DOCK2: variants seen among roughly 807,000 people sequenced by gnomAD.
The protein encoded by DOCK2 is dedicator of cytokinesis protein 2.
Under a neutral mutation model 248.9 loss-of-function variants are expected in DOCK2, and 87 were observed. That is an observed-to-expected ratio of 0.35 (90% confidence interval 0.29 to 0.42). The LOEUF (loss-of-function observed/expected upper bound fraction) is 0.42. Ranked by LOEUF, DOCK2 falls within the 10% of genes least tolerant of loss-of-function variation. The probability of loss-of-function intolerance (pLI) is 1.00; values close to 1 mark genes in which losing one functional copy is unlikely to be tolerated. For synonymous variants in DOCK2, 805 were observed against 821.6 expected (o/e 0.98, Z 0.35); for missense variants, 1,747 against 2,300.2 (o/e 0.76, Z 4.92).
chr5:169,969,212 A>C (rs767232361), intron 27 of DOCK2, among the ~76,000 whole-genome samples: 2 of 152,110 alleles, frequency 1.3e-5, no homozygotes, highest in Non-Finnish European at 2.9e-5. Context: ...TGGGAGGCTG[A>C]GGCAGATAGA....
chr5:169,816,597 C>T (rs1768082341), intron 26 of DOCK2, among the ~76,000 whole-genome samples: 1 of 152,212 alleles, frequency 6.6e-6, no homozygotes, highest in Non-Finnish European at 1.5e-5. Flanking sequence ...CTCACTCTCC[C>T]ACCAAACCTT....
intron 41 of DOCK2, among the ~76,000 whole-genome samples, chr5:170,054,572 G>A (rs1438610138): frequency 6.6e-6 from 1 of 152,194 alleles, no homozygotes; most frequent in Non-Finnish European, 1.5e-5. Context: ...TTACCATCCT[G>A]CCATAGGCAG....
intron 27 of DOCK2, among the ~76,000 whole-genome samples, chr5:169,902,784 A>G (rs1396648714): frequency 6.6e-6 from 1 of 152,192 alleles, no homozygotes; most frequent in East Asian, 1.9e-4. Context: ...CAGAGCCCAC[A>G]GAGTAGTGAG....
chr5:169,637,759 A>C (rs1756909368), intron 1 of DOCK2, among the ~76,000 whole-genome samples: 1 of 152,110 alleles, frequency 6.6e-6, no homozygotes, highest in Non-Finnish European at 1.5e-5. Context: ...TGGCCTGCCC[A>C]CCATGCATAC....
At chr5:169,680,235 G>A (rs1396737490) in intron 6 of DOCK2, among the ~76,000 whole-genome samples, 2 of 152,136 alleles carry the variant, frequency 1.3e-5, no homozygotes, top group Non-Finnish European at 2.9e-5. Context: ...TGTAAAATGG[G>A]GTTATTGATA....
chr5:169,871,490 A>T (rs990640347), intron 27 of DOCK2, among the ~76,000 whole-genome samples: 16 of 152,210 alleles, frequency 1.1e-4, no homozygotes, highest in African/African-American at 3.4e-4. Context: ...TCACAATCCC[A>T]TGGGATAAAT....
At chr5:169,916,334 C>G (rs1774874727) in intron 27 of DOCK2, among the ~76,000 whole-genome samples, 2 of 152,366 alleles carry the variant, frequency 1.3e-5, no homozygotes, top group South Asian at 4.1e-4. Context: ...AAGGAACCAG[C>G]CACTTTGACA....
rs576183648 is a variant in DOCK2 at position 169,953,332 on chromosome 5, C to CAA, written c.2800-29721_2800-29720dup. Among the ~76,000 whole-genome samples, 374 of 123,434 alleles carry CAA rather than the reference C, an allele frequency of 3.0e-3. 1 individual carries two copies. Among genetic ancestry groups the CAA allele is most frequent in the East Asian group, 0.017 (75 of 4,430 alleles). 81.0% of individuals were successfully genotyped at this position (123,434 alleles called of 152,430 possible). A position where few individuals can be genotyped will look rare whatever the true frequency, so the allele number is the denominator to read the frequency against. ...TGGGTGACAGAGCAAGACTCTATCT[C>CAA]AAAAAAAAAAAAAAAAGAGAGAGAG... On this transcript the variant is annotated intron_variant, in intron 27 of 51. Transcript: ENST00000520908.
chr5:170,014,213 T>C (rs1755422387), intron 32 of DOCK2, among the ~76,000 whole-genome samples: 1 of 152,142 alleles, frequency 6.6e-6, no homozygotes, highest in African/African-American at 2.4e-5. Flanking sequence ...CATCCGTCTA[T>C]TTGTTTACTC....
At chr5:170,013,496 G>A (rs1359033902) in intron 32 of DOCK2, among the ~76,000 whole-genome samples, 2 of 152,024 alleles carry the variant, frequency 1.3e-5, no homozygotes, top group Non-Finnish European at 2.9e-5. Context: ...GAGAAAATCA[G>A]AGTCAGAGAG....
rs777118797 is a variant in DOCK2 at position 170,034,499 on chromosome 5, G to A, written c.3568G>A (p.Gly1190Ser). The change falls in exon 35 of 52, where the codon GGT (glycine) becomes AGT (serine). Residue 1190 changes from glycine to serine, a missense_variant. Gly to Ser is a moderately conservative substitution (Grantham distance 56). Transcript: ENST00000520908. Reference protein sequence around the residue: ...GLLEKLLDYRGVMTDESKDNR... With the variant: ...GLLEKLLDYRSVMTDESKDNR... Reference sequence around the variant, plus strand: ...CCTGGAGAAGCTGCTGGATTACCGGGGTGTGATGACAGATGAGAGCAAAGA... The same window carrying A: ...CCTGGAGAAGCTGCTGGATTACCGGAGTGTGATGACAGATGAGAGCAAAGA... The A allele has an allele frequency of 2.2e-5, 36 of 1,614,036 alleles. No individual in the cohort carries two copies. Among genetic ancestry groups the A allele is most frequent in the Non-Finnish European group, 2.9e-5 (34 of 1,180,020 alleles).
intron 22 of DOCK2, among the ~76,000 whole-genome samples, chr5:169,736,217 G>T (rs925682634): frequency 6.6e-6 from 1 of 152,092 alleles, no homozygotes; most frequent in Non-Finnish European, 1.5e-5. Context: ...CATGATTTTT[G>T]AGTTTTTATT....
intron 27 of DOCK2, among the ~76,000 whole-genome samples, chr5:169,919,720 C>T (rs371035246): frequency 3.3e-5 from 5 of 152,244 alleles, no homozygotes; most frequent in African/African-American, 9.6e-5. Context: ...TTTCCCCTGG[C>T]GATTCTCTGA....
intron 27 of DOCK2, among the ~76,000 whole-genome samples, chr5:169,887,713 G>A (rs1037427564): frequency 6.6e-6 from 1 of 152,174 alleles, no homozygotes; most frequent in Non-Finnish European, 1.5e-5. Context: ...TGGAGCTCTT[G>A]TCTAATTATC....
At position 169,990,479 on chromosome 5, in the gene DOCK2, C is replaced by G. The variant is rs186932942; in HGVS notation, c.2993+4557C>G. On this transcript the variant is annotated intron_variant, in intron 29 of 51. Coordinates refer to ENST00000520908, the MANE Select transcript of DOCK2 (RefSeq NM_004946.3). ...GGCTGCAGGATCCCGATCCCAGAGC[C>G]TGCTGCATCCCTAACTGGAATCCCA... Among the ~76,000 whole-genome samples the G allele has an allele frequency of 3.3e-5, 5 of 152,296 alleles. No homozygotes were observed. The East Asian group carries it at 9.6e-4, about 29-fold the overall frequency.
At chr5:169,736,328 G>T (rs746921909) in intron 22 of DOCK2, among the ~76,000 whole-genome samples, 1 of 152,198 alleles carries the variant, frequency 6.6e-6, no homozygotes, top group Non-Finnish European at 1.5e-5. Context: ...TCTGGTAGCT[G>T]AAATGCAGCC....
chr5:169,904,531 G>A (rs962981513), intron 27 of DOCK2, among the ~76,000 whole-genome samples: 1 of 152,020 alleles, frequency 6.6e-6, no homozygotes, highest in Non-Finnish European at 1.5e-5. Flanking sequence ...AGGTGGGAAG[G>A]GGTTGGCAGA....
intron 1 of DOCK2, among the ~76,000 whole-genome samples, chr5:169,640,289 A>T (rs1338060679): frequency 6.6e-6 from 1 of 152,212 alleles, no homozygotes; most frequent in South Asian, 2.1e-4. Context: ...AGAGGGCTTC[A>T]AGGCAGGAGT....
At chr5:169,718,628 G>T (rs769420360) in intron 21 of DOCK2, 29 bp from the exon 22 acceptor site, 27 of 1,599,910 alleles carry the variant, frequency 1.7e-5, no homozygotes, top group Non-Finnish European at 2.3e-5. Context: ...TGAAAGAGAT[G>T]TATTTTGAAA....
Sources: allele counts gnomAD v4.1 joint callset (sites outside exome capture counted in the v4.1 genomes callset), GRCh38; gene constraint gnomAD v4.1.1; transcripts MANE v1.5; gene names NCBI Gene and HGNC (gene_info 2026-07-23, HGNC 2026-07-21).